The following SLIT3 variants were observed in gnomAD, a reference collection of about 807,000 sequenced individuals.
SLIT3 encodes slit homolog 3 protein.
In SLIT3, 68 loss-of-function variants were observed where a neutral mutation model predicts 184.0. That is an observed-to-expected ratio of 0.37 (90% CI 0.30 to 0.45). The LOEUF is 0.45. Ranked by LOEUF, SLIT3 falls within the 20% of genes least tolerant of loss-of-function variation. The pLI, the probability that SLIT3 is intolerant of heterozygous loss-of-function variation, is 1.00. For missense variants in SLIT3, 1,707 were observed against 2,026.0 expected (o/e 0.84, Z 3.02); for synonymous variants, 831 against 828.6 (o/e 1.00, Z -0.05).
intron 4 of SLIT3, among the ~76,000 whole-genome samples, chr5:168,985,655 G>A (rs1009706976): frequency 3.3e-5 from 5 of 152,142 alleles, no homozygotes; most frequent in African/African-American, 4.8e-5. Flanking sequence ...TCTCTGTCCC[G>A]TGACCATGCT....
Position 168,692,675 on chromosome 5 carries a change from G to A in SLIT3, c.3108C>T (p.Asp1036=). Residue 1036 remains aspartate, a synonymous_variant, in exon 29 of 36, where the codon GAC becomes GAT. Transcript: ENST00000519560. ...YTGELCDEVI[D]HCVPELNLCQ... Reference sequence around the variant, plus strand: ...AGAGGTTCAGCTCAGGCACACAGTGGTCAATCACCTCGTCGCATAGCTCAC... The same window carrying A: ...AGAGGTTCAGCTCAGGCACACAGTGATCAATCACCTCGTCGCATAGCTCAC... The A allele has an allele frequency of 6.2e-7, 1 of 1,613,994 alleles. No individual in the cohort carries two copies. The highest frequency in any genetic ancestry group is 1.1e-5 in the South Asian group (1 of 91,046).
rs188374717 is a variant in SLIT3 at position 169,281,212 on chromosome 5, G to A, written c.197+19301C>T. 3.3e-5 allele frequency among the ~76,000 whole-genome samples: 5 copies of A among 152,330 alleles called. No individual in the cohort carries two copies. In the East Asian group the frequency reaches 9.6e-4, roughly 29 times the overall value. ...TTATAAAATGGTAGGGGGAGGCTGG[G>A]CGCAGTGGCTCATCCCAGCACTTTG... On this transcript the variant is annotated intron_variant, in intron 1 of 35. Transcript: ENST00000519560.
chr5:168,747,136 C>T (rs1479340772), intron 20 of SLIT3, among the ~76,000 whole-genome samples: 8 of 152,074 alleles, frequency 5.3e-5, no homozygotes, highest in Non-Finnish European at 1.0e-4. Context: ...CAGAGCACTG[C>T]CTCCTCCCTC....
chr5:169,252,447 A>G (rs1395408786), intron 1 of SLIT3, among the ~76,000 whole-genome samples: 1 of 152,234 alleles, frequency 6.6e-6, no homozygotes, highest in Non-Finnish European at 1.5e-5. Flanking sequence ...ATGGAAAAAC[A>G]GTTAAGAAAA....
intron 4 of SLIT3, among the ~76,000 whole-genome samples, chr5:168,891,747 G>A (rs74748393): frequency 0.011 from 1,605 of 152,302 alleles, 16 homozygotes; most frequent in Middle Eastern, 0.027. Context: ...TACAGATGGA[G>A]TTGAGATTAT....
chr5:168,833,249 G>A (rs1432836696), intron 6 of SLIT3, among the ~76,000 whole-genome samples: 4 of 152,224 alleles, frequency 2.6e-5, no homozygotes, highest in African/African-American at 9.6e-5. Context: ...CCACTTCAGA[G>A]CTGTTAGAAA....
intron 1 of SLIT3, among the ~76,000 whole-genome samples, chr5:169,266,020 G>A (rs1453952249): frequency 6.6e-6 from 1 of 152,150 alleles, no homozygotes; most frequent in Admixed American, 6.6e-5. Context: ...AATTCTTCCT[G>A]TAATGACTTA....
chr5:169,034,625 G>T (rs1239780277), intron 4 of SLIT3, among the ~76,000 whole-genome samples: 1 of 152,092 alleles, frequency 6.6e-6, no homozygotes, highest in Non-Finnish European at 1.5e-5. Context: ...TGGCCAAGTG[G>T]TGCCTTGGAA....
chr5:168,946,023 G>A (rs1762471931), intron 4 of SLIT3, among the ~76,000 whole-genome samples: 1 of 152,200 alleles, frequency 6.6e-6, no homozygotes, highest in Non-Finnish European at 1.5e-5. Context: ...AGTTTTATGT[G>A]CTGTATTCTT....
intron 4 of SLIT3, among the ~76,000 whole-genome samples, chr5:168,950,950 G>A (rs1031213018): frequency 1.3e-5 from 2 of 152,244 alleles, no homozygotes; most frequent in African/African-American, 4.8e-5. Flanking sequence ...GCCAGGCACA[G>A]TGGCTCATGC....
In SLIT3 at chr5:168,666,586, C is replaced by G; in HGVS notation, c.4440G>C (p.Gly1480=). 1 of 1,614,202 alleles carries G rather than the reference C, an allele frequency of 6.2e-7. No individual in the cohort carries two copies. Among genetic ancestry groups the G allele is most frequent in the Non-Finnish European group, 8.5e-7 (1 of 1,180,036 alleles). Residue 1480 remains glycine (G), a synonymous_variant, in exon 36 of 36, where the codon GGG becomes GGC. Transcript: ENST00000519560. ...GCTGGCAGCACTGGGGCCCACAGCC[C>G]CCACGACATTCCATGATGGGCACCT... ...ASKVPIMECR[G]GCGPQCCQPT... is the part of the protein sequence containing the mutation.
At chr5:169,259,651 T>G (rs1237139395) in intron 1 of SLIT3, among the ~76,000 whole-genome samples, 1 of 152,168 alleles carries the variant, frequency 6.6e-6, no homozygotes, top group Non-Finnish European at 1.5e-5. Context: ...AATGCAGTTA[T>G]TCCTTATTAC....
At chr5:168,973,388 C>T (rs954116296) in intron 4 of SLIT3, among the ~76,000 whole-genome samples, 3 of 152,162 alleles carry the variant, frequency 2.0e-5, no homozygotes, top group African/African-American at 4.8e-5. Flanking sequence ...GCTGGGATTA[C>T]AGGTGCTCAC....
At chr5:168,836,748 C>T (rs1216113282) in intron 6 of SLIT3, among the ~76,000 whole-genome samples, 6 of 152,092 alleles carry the variant, frequency 3.9e-5, no homozygotes, top group African/African-American at 2.4e-5. Context: ...ACAGGAGGTT[C>T]GTTGATTCAA....
intron 32 of SLIT3, among the ~76,000 whole-genome samples, chr5:168,683,164 G>C (rs1027594697): frequency 6.6e-5 from 10 of 151,860 alleles, no homozygotes; most frequent in African/African-American, 2.2e-4. Context: ...TCAGGAGTTC[G>C]AGAGCAGCCT....
intron 4 of SLIT3, among the ~76,000 whole-genome samples, chr5:168,907,020 C>T (rs1190629213): frequency 6.6e-6 from 1 of 152,086 alleles, no homozygotes; most frequent in Non-Finnish European, 1.5e-5. Context: ...GCCACCAAGC[C>T]CGGCTAATGT....
chr5:168,946,297 C>T (rs1219229414), intron 4 of SLIT3, among the ~76,000 whole-genome samples: 1 of 152,214 alleles, frequency 6.6e-6, no homozygotes, highest in Non-Finnish European at 1.5e-5. Flanking sequence ...CCTCCCCAGC[C>T]TCTTTGTAAT....
intron 4 of SLIT3, among the ~76,000 whole-genome samples, chr5:169,160,496 A>C (rs1248319112): frequency 6.6e-6 from 1 of 152,236 alleles, no homozygotes; most frequent in Admixed American, 6.5e-5. Context: ...TGAGTTCAGA[A>C]AAACCTTTAA....
At chr5:168,829,205 G>A (rs542535596) in intron 6 of SLIT3, among the ~76,000 whole-genome samples, 16 of 152,280 alleles carry the variant, frequency 1.1e-4, no homozygotes, top group African/African-American at 2.9e-4. Context: ...TTAGGCCATC[G>A]CTTTTTCACT....
Sources: gnomAD v4.1 joint callset for allele counts (sites outside exome capture counted in the v4.1 genomes callset) on GRCh38, gnomAD v4.1.1 for gene constraint, MANE v1.5 for transcripts, NCBI Gene and HGNC (gene_info 2026-07-23, HGNC 2026-07-21) for gene names.